Variants in CNDP2 observed in about 807,000 individuals in gnomAD.
CNDP2 encodes cytosolic non-specific dipeptidase.
A neutral mutation model predicts 55.0 loss-of-function variants in CNDP2; 38 were observed. The ratio of observed to expected loss-of-function variants is 0.69; its 90% CI spans 0.53 to 0.90. The LOEUF (loss-of-function observed/expected upper bound fraction) is 0.90. Among genes scored for constraint, CNDP2 ranks in the 40% least tolerant of loss-of-function variants. The pLI is 0.00. For missense variants in CNDP2, 607 were observed against 621.7 expected (o/e 0.98, Z 0.25); for synonymous variants, 241 against 260.2 (o/e 0.93, Z 0.71).
chr18:74,498,256 T>C (rs1224241783), intron 1 of CNDP2, among the ~76,000 whole-genome samples: 3 of 152,184 alleles, frequency 2.0e-5, no homozygotes, highest in Non-Finnish European at 2.9e-5. Flanking sequence ...TACAGCCTCC[T>C]ACATACCTAG....
rs563538940 is a variant in CNDP2, at chr18:74,506,029, A to G, written c.367+18A>G. 9.1e-6 allele frequency: 14 copies of G among 1,540,746 alleles called. No homozygotes were observed. Among genetic ancestry groups the G allele is most frequent in the African/African-American group, 5.6e-5 (4 of 70,840 alleles). On this transcript the variant is annotated intron_variant, in intron 4 of 11. Transcript: ENST00000324262. ...GCGAGACGGTGAGCGCCGCGCGCCTATGCGTGCCCAGAGGAAAGGCACTGA... is the reference window on the plus strand; with the variant it reads ...GCGAGACGGTGAGCGCCGCGCGCCTGTGCGTGCCCAGAGGAAAGGCACTGA...
intron 3 of CNDP2, among the ~76,000 whole-genome samples, chr18:74,502,286 G>A (rs1978747937): frequency 1.3e-5 from 2 of 152,316 alleles, no homozygotes; most frequent in African/African-American, 2.4e-5. Context: ...TTGTGGTACA[G>A]TAAGTACTCA....
chr18:74,520,133 C>A lies in CNDP2; in HGVS notation c.*65C>A. ...CTGCCCTCACCTCACCCTTTTCCAA[C>A]TTGCCCAGGGAAGTGGAGGTTCCCT... On this transcript the variant is annotated 3_prime_UTR_variant, in exon 12 of 12. Coordinates refer to ENST00000324262, the MANE Select transcript of CNDP2 (RefSeq NM_018235.3). 1 of 1,530,264 alleles carries A rather than the reference C, an allele frequency of 6.5e-7. No individual in the cohort carries two copies. Among genetic ancestry groups the A allele is most frequent in the Non-Finnish European group, 9.0e-7 (1 of 1,106,508 alleles). 94.8% of individuals were successfully genotyped at this position (1,530,264 alleles called of 1,614,324 possible). A position where few individuals can be genotyped will look rare whatever the true frequency, so the allele number is the denominator to read the frequency against.
Position 74,513,717 on chromosome 18 carries a change from A to G in CNDP2, c.901A>G (p.Lys301Glu). The G allele has an allele frequency of 6.2e-7, 1 of 1,613,534 alleles. No individual in the cohort carries two copies. Among genetic ancestry groups the G allele is most frequent in the Non-Finnish European group, 8.5e-7 (1 of 1,179,704 alleles). ...GGCGCAGATCCTCCTGCACAGCCAC[A>G]AGGTCTGGTTCAGGGCTCGACTCTG... ...VGAQILLHSH[K>E]KDILMHRWRY... Residue 301 changes from lysine (K) to glutamate (E), a missense_variant and splice_region_variant, in exon 8 of 12, where the codon AAG becomes GAG. Lys to Glu is a moderately conservative substitution (Grantham distance 56). Transcript: ENST00000324262.
In CNDP2 at chr18:74,499,910, G is replaced by A. The variant is rs2144569384; in HGVS notation, c.-64G>A. On this transcript the variant is annotated 5_prime_UTR_variant, in exon 2 of 12. Transcript: ENST00000324262. Reference sequence around the variant, plus strand: ...GCCCCTCAGTCTCCACTAGAGACAGGACTGACCAGTTGCTCTTCCTTCCAA... The same window carrying A: ...GCCCCTCAGTCTCCACTAGAGACAGAACTGACCAGTTGCTCTTCCTTCCAA... 1.4e-6 allele frequency: 2 copies of A among 1,475,206 alleles called. No homozygotes were observed. Among genetic ancestry groups the A allele is most frequent in the East Asian group, 2.3e-5 (1 of 44,164 alleles). The allele number at this position is 1,475,206 out of a possible 1,614,324, so 91.4% of individuals were successfully genotyped here.
In CNDP2 at chr18:74,500,028, A is replaced by G; in HGVS notation, c.55A>G (p.Ile19Val). 1.2e-6 allele frequency: 2 copies of G among 1,613,648 alleles called. No individual in the cohort carries two copies. The highest frequency in any genetic ancestry group is 1.7e-6 in the Non-Finnish European group (2 of 1,179,554). ...KYIDENQDRY[I>V]KKLAKWVAIQ... is the part of the protein sequence containing the mutation. ...CATAGATGAAAATCAGGATCGCTAC[A>G]TTAAGGTAAGGGAATATTCATTTTA... The change falls in exon 2 of 12, where the codon ATT becomes GTT. Residue 19 changes from isoleucine to valine, a missense_variant. By Grantham distance (29) the Ile-to-Val change is conservative. Transcript: ENST00000324262.
chr18:74,516,411 C>G lies in CNDP2; in HGVS notation c.1068+19C>G. On this transcript the variant is annotated intron_variant, in intron 9 of 11. Transcript: ENST00000324262. ...CGAGCAGGCATGTGGGGCTGGGACACGGGGTGGGGGCCAAGAGCTACTGTG... is the reference window on the plus strand; with the variant it reads ...CGAGCAGGCATGTGGGGCTGGGACAGGGGGTGGGGGCCAAGAGCTACTGTG... The G allele has an allele frequency of 6.3e-7, 1 of 1,593,816 alleles. No individual in the cohort carries two copies. The highest frequency in any genetic ancestry group is 8.6e-7 in the Non-Finnish European group (1 of 1,168,648).
At chr18:74,507,221 C>T (rs36089221) in intron 4 of CNDP2, 18,753 of 152,292 alleles carry the variant, frequency 0.12, 1,502 homozygotes, top group Non-Finnish European at 0.17. Flanking sequence ...TCCTGGAACT[C>T]GCTCTCTCTG....
chr18:74,512,508 A>C lies in CNDP2; in HGVS notation c.718A>C (p.Met240Leu), dbSNP rs149733228. ...GTACGGGGGCTCGGTGCATGAGGCC[A>C]TGACTGATCTCATTTTGCTGATGGG... is the stretch of plus-strand genomic sequence containing the variant. ...GVYGGSVHEA[M>L]TDLILLMGSL... Residue 240 changes from methionine (M) to leucine (L), a missense_variant, in exon 7 of 12, where the codon ATG (methionine) becomes CTG (leucine). Coordinates refer to ENST00000324262, the MANE Select transcript of CNDP2 (RefSeq NM_018235.3). 17 of 1,613,848 alleles carry C rather than the reference A, an allele frequency of 1.1e-5. No individual in the cohort carries two copies. Among genetic ancestry groups the C allele is most frequent in the Non-Finnish European group, 1.4e-5 (16 of 1,179,928 alleles).
At position 74,512,540 on chromosome 18, in the gene CNDP2, C is replaced by T. The variant is rs200200778; in HGVS notation, c.742+8C>T. 37 of 1,612,286 alleles carry T rather than the reference C, an allele frequency of 2.3e-5. No individual in the cohort carries two copies. Among genetic ancestry groups the T allele is most frequent in the East Asian group, 1.1e-4 (5 of 44,838 alleles). Reference sequence around the variant, plus strand: ...ATCTCATTTTGCTGATGGGTAAGTGCGGGATGGCATTCAGTCCGCAGTTGA... The same window carrying T: ...ATCTCATTTTGCTGATGGGTAAGTGTGGGATGGCATTCAGTCCGCAGTTGA... On this transcript the variant is annotated splice_region_variant and intron_variant, in intron 7 of 11. Transcript: ENST00000324262.
At chr18:74,517,469 G>T (rs1979748560) in intron 9 of CNDP2, 1 of 152,214 alleles carries the variant, frequency 6.6e-6, no homozygotes, top group African/African-American at 2.4e-5. Context: ...CTGAGCCTCG[G>T]TGTAAGAGCA....
intron 4 of CNDP2, chr18:74,507,404 T>TG (rs939446239): frequency 2.0e-5 from 3 of 152,810 alleles, no homozygotes; most frequent in African/African-American, 7.2e-5. Context: ...ACTCCGTGGC[T>TG]GGGTCCTGCT....
chr18:74,519,684 G>A (rs1184983594), intron 11 of CNDP2, among the ~76,000 whole-genome samples: 1 of 152,224 alleles, frequency 6.6e-6, no homozygotes, highest in Admixed American at 6.5e-5. Flanking sequence ...AGACCTGGCT[G>A]CGAGGACCAG....
intron 9 of CNDP2, chr18:74,517,226 A>G (rs1979728442): frequency 6.6e-6 from 1 of 152,218 alleles, no homozygotes; most frequent in Non-Finnish European, 1.5e-5. Flanking sequence ...AAGAGAAAAA[A>G]AAACTACTAA....
At chr18:74,515,734 T>C (rs1466103022) in intron 8 of CNDP2, among the ~76,000 whole-genome samples, 1 of 152,110 alleles carries the variant, frequency 6.6e-6, no homozygotes, top group Non-Finnish European at 1.5e-5. Context: ...ATCATCGGTA[T>C]TCAGGGGGCC....
chr18:74,512,608 C>A, intron 7 of CNDP2, 76 bp downstream of exon 7: 1 of 1,262,682 alleles, frequency 7.9e-7, no homozygotes, highest in Non-Finnish European at 1.1e-6. Flanking sequence ...CTGTCATCAG[C>A]ATTGGGTGCA....
rs552114959 is a variant in CNDP2 at position 74,516,338 on chromosome 18, C to T, written c.1014C>T (p.Gly338=). 6.2e-7 allele frequency: 1 copy of T among 1,614,030 alleles called. No homozygotes were observed. Among genetic ancestry groups the T allele is most frequent in the East Asian group, 2.2e-5 (1 of 44,860 alleles). ...AKTVIPRKVV[G]KFSIRLVPNM... is the part of the protein sequence containing the mutation. ...CCGTGATTCCCAGGAAGGTGGTTGG[C>T]AAGTTCTCCATCAGGCTCGTGCCGA... The change falls in exon 9 of 12, where the codon GGC becomes GGT. Residue 338 remains glycine (G), a synonymous_variant. Transcript: ENST00000324262.
At chr18:74,498,737 T>C (rs1238478665) in intron 1 of CNDP2, among the ~76,000 whole-genome samples, 1 of 152,198 alleles carries the variant, frequency 6.6e-6, no homozygotes, top group Non-Finnish European at 1.5e-5. Context: ...ATGGGCTCCA[T>C]CTTACTTGAG....
intron 1 of CNDP2, among the ~76,000 whole-genome samples, chr18:74,499,105 T>C (rs1421201385): frequency 6.6e-6 from 1 of 152,162 alleles, no homozygotes; most frequent in African/African-American, 2.4e-5. Flanking sequence ...TGTAGTAGGG[T>C]CCTGTCACTC....
Sources: allele counts gnomAD v4.1 joint callset (sites outside exome capture counted in the v4.1 genomes callset), GRCh38; gene constraint gnomAD v4.1.1; transcripts MANE v1.5; gene names NCBI Gene and HGNC (gene_info 2026-07-23, HGNC 2026-07-21).